The following CREB5 variants were observed in gnomAD, a reference collection of about 807,000 sequenced individuals.
CREB5 encodes cAMP responsive element binding protein 5.
CREB5 carries 19 observed loss-of-function variants against 57.1 expected under a neutral mutation model. That is an observed-to-expected ratio of 0.33 (90% confidence interval 0.23 to 0.49). The LOEUF is 0.49. Among genes scored for constraint, CREB5 ranks in the 20% least tolerant of loss-of-function variants. The probability of loss-of-function intolerance (pLI) is 0.99; values close to 1 mark genes in which losing one functional copy is unlikely to be tolerated. For missense variants in CREB5, 579 were observed against 671.6 expected, an observed-to-expected ratio of 0.86 and a Z score of 1.52; for synonymous variants, 238 against 238.3, an observed-to-expected ratio of 1.00 and a Z score of 0.01.
At chr7:28,613,165 C>A (rs1797462451) in intron 5 of CREB5, among the ~76,000 whole-genome samples, 1 of 152,180 alleles carries the variant, frequency 6.6e-6, no homozygotes, top group African/African-American at 2.4e-5. Flanking sequence ...AGGGGCCCCT[C>A]TATTTCAACA....
chr7:28,549,800 T>A (rs941319932), intron 4 of CREB5, among the ~76,000 whole-genome samples: 1 of 152,200 alleles, frequency 6.6e-6, no homozygotes, highest in Middle Eastern at 3.2e-3. Flanking sequence ...GGAAAAAGAA[T>A]GCTATTTTCT....
intron 1 of CREB5, among the ~76,000 whole-genome samples, chr7:28,417,636 A>C (rs1788080313): frequency 6.6e-6 from 1 of 152,158 alleles, no homozygotes; most frequent in Non-Finnish European, 1.5e-5. Context: ...AAAGCTCCAC[A>C]AGTGTTTCCA....
chr7:28,354,570 A>G (rs1406979516), intron 1 of CREB5, among the ~76,000 whole-genome samples: 2 of 152,146 alleles, frequency 1.3e-5, no homozygotes, highest in East Asian at 1.9e-4. Context: ...TCTCTATACT[A>G]TTAGTTCTGT....
intron 6 of CREB5, among the ~76,000 whole-genome samples, chr7:28,723,851 G>A (rs28494984): frequency 4.9e-4 from 75 of 152,180 alleles, no homozygotes; most frequent in Middle Eastern, 3.4e-3. Context: ...GAAATAGATC[G>A]TTTAGTTTTC....
chr7:28,487,357 A>G (rs1024746058), intron 1 of CREB5, among the ~76,000 whole-genome samples: 2 of 152,180 alleles, frequency 1.3e-5, no homozygotes, highest in Non-Finnish European at 2.9e-5. Context: ...GATTACAGGC[A>G]TGAGCCACCA....
intron 4 of CREB5, among the ~76,000 whole-genome samples, chr7:28,519,414 C>G (rs902733420): frequency 6.6e-6 from 1 of 152,184 alleles, no homozygotes; most frequent in Non-Finnish European, 1.5e-5. Flanking sequence ...AATCCAACAC[C>G]AGCTTTAACA....
At chr7:28,759,917 C>T (rs184344590) in intron 7 of CREB5, among the ~76,000 whole-genome samples, 78 of 152,314 alleles carry the variant, frequency 5.1e-4, no homozygotes, top group Non-Finnish European at 2.9e-5. Context: ...ATTCACATCA[C>T]TAATGTGAGT....
chr7:28,440,192 A>G (rs528123406), intron 1 of CREB5, among the ~76,000 whole-genome samples: 1 of 152,270 alleles, frequency 6.6e-6, no homozygotes, highest in South Asian at 2.1e-4. Context: ...TCTGCTGAGT[A>G]TCCATGTCGC....
intron 5 of CREB5, among the ~76,000 whole-genome samples, chr7:28,592,227 A>T (rs536471176): frequency 1.3e-5 from 2 of 152,304 alleles, no homozygotes; most frequent in East Asian, 3.9e-4. Flanking sequence ...CCATGTGAAC[A>T]TTTGAAACGC....
chr7:28,570,916 C>T (rs530518184), intron 5 of CREB5, among the ~76,000 whole-genome samples: 2 of 152,096 alleles, frequency 1.3e-5, no homozygotes, highest in South Asian at 4.2e-4. Context: ...CAGAGTGTGC[C>T]CTTCCCTTCC....
At chr7:28,478,950 C>T (rs1047115492) in intron 1 of CREB5, among the ~76,000 whole-genome samples, 3 of 152,202 alleles carry the variant, frequency 2.0e-5, no homozygotes, top group African/African-American at 7.2e-5. Flanking sequence ...ATTTCACATA[C>T]TTTTTTGAAT....
At chr7:28,541,102 G>A (rs532930207) in intron 4 of CREB5, among the ~76,000 whole-genome samples, 2 of 152,086 alleles carry the variant, frequency 1.3e-5, no homozygotes, top group Non-Finnish European at 2.9e-5. Flanking sequence ...TAAAATATGA[G>A]CATGAAAAGA....
intron 1 of CREB5, among the ~76,000 whole-genome samples, chr7:28,344,165 G>T (rs12700869): frequency 0.15 from 23,366 of 151,636 alleles, 2,078 homozygotes; most frequent in East Asian, 0.32. Flanking sequence ...TCAGCATGTT[G>T]TTTCCTTTTT....
chr7:28,377,884 A>G (rs1389870808), intron 1 of CREB5, among the ~76,000 whole-genome samples: 1 of 136,604 alleles, frequency 7.3e-6, no homozygotes, highest in East Asian at 2.5e-4. Flanking sequence ...GTGAGCCAAG[A>G]TCGCGCTACT....
At chr7:28,303,379 T>C (rs1005876088) in intron 1 of CREB5, among the ~76,000 whole-genome samples, 3 of 152,196 alleles carry the variant, frequency 2.0e-5, no homozygotes, top group Admixed American at 6.5e-5. Context: ...TGATTACATT[T>C]CATTTTACAA....
chr7:28,546,148 A>G (rs1256998124), intron 4 of CREB5, among the ~76,000 whole-genome samples: 2 of 152,166 alleles, frequency 1.3e-5, no homozygotes, highest in South Asian at 4.1e-4. Context: ...ACTACATGTC[A>G]TCTGCTGTGA....
At chr7:28,406,886 G>A (rs1222610680) in intron 1 of CREB5, among the ~76,000 whole-genome samples, 1 of 150,230 alleles carries the variant, frequency 6.7e-6, no homozygotes, top group Non-Finnish European at 1.5e-5. Context: ...GGAATTATGG[G>A]GTAAAGGTTC....
chr7:28,557,272 A>G lies in CREB5; in HGVS notation c.292-13093A>G, dbSNP rs187469063. ...TGAGTGCAATTTTAACAATACTGAG[A>G]AACAGTGGAATCTCACGGTACAATG... On this transcript the variant is annotated intron_variant, in intron 4 of 10. Transcript: ENST00000357727. 2.2e-4 allele frequency among the ~76,000 whole-genome samples: 34 copies of G among 152,352 alleles called. No individual in the cohort carries two copies. In the East Asian group the frequency reaches 6.4e-3, roughly 29 times the overall value.
At chr7:28,567,171 G>A (rs1795517427) in intron 4 of CREB5, among the ~76,000 whole-genome samples, 1 of 152,088 alleles carries the variant, frequency 6.6e-6, no homozygotes, top group Non-Finnish European at 1.5e-5. Flanking sequence ...TCCTTCATTG[G>A]CCCCTGTAAC....
Sources: gnomAD v4.1 joint callset for allele counts (sites outside exome capture counted in the v4.1 genomes callset) on GRCh38, gnomAD v4.1.1 for gene constraint, MANE v1.5 for transcripts, NCBI Gene and HGNC (gene_info 2026-07-23, HGNC 2026-07-21) for gene names.